VPS13D: variants seen among roughly 807,000 people sequenced by gnomAD.
VPS13D encodes intermembrane lipid transfer protein VPS13D.
In VPS13D, 187 loss-of-function variants were observed where a neutral mutation model predicts 461.9. The observed-to-expected ratio is 0.40, with a 90% CI of 0.36 to 0.46. VPS13D has a LOEUF of 0.46. Ranked by LOEUF, VPS13D falls within the 20% of genes least tolerant of loss-of-function variation. VPS13D has a pLI of 0.60. For missense variants in VPS13D, 4,711 were observed against 5,364.9 expected, an observed-to-expected ratio of 0.88 and a Z score of 3.81; for synonymous variants, 1,951 against 1,986.3, an observed-to-expected ratio of 0.98 and a Z score of 0.47.
chr1:12,362,655 T>C (rs1324742084), intron 50 of VPS13D, 65 bp from the exon 51 acceptor site: 9 of 1,500,802 alleles, frequency 6.0e-6, no homozygotes, highest in Admixed American at 3.9e-5. Context: ...GTTATTTATT[T>C]TTGTCAGACC....
chr1:12,284,808 G>T (rs750154525), intron 21 of VPS13D, among the ~76,000 whole-genome samples: 2 of 152,220 alleles, frequency 1.3e-5, no homozygotes, highest in Non-Finnish European at 2.9e-5. Flanking sequence ...ACATCTCAGG[G>T]TAGAGATGGG....
chr1:12,267,971 T>C, intron 15 of VPS13D, 51 bp downstream of exon 15: 1 of 1,512,568 alleles, frequency 6.6e-7, no homozygotes, highest in Non-Finnish European at 9.0e-7. Context: ...TTTAAATTAA[T>C]TTTTCTTTGA....
chr1:12,314,962 C>T (rs1346383424), intron 30 of VPS13D, among the ~76,000 whole-genome samples: 1 of 152,218 alleles, frequency 6.6e-6, no homozygotes, highest in African/African-American at 2.4e-5. Context: ...TACCTATACC[C>T]ACCTCATGGG....
chr1:12,255,701 G>A (rs1410708707), intron 7 of VPS13D, among the ~76,000 whole-genome samples: 1 of 151,864 alleles, frequency 6.6e-6, no homozygotes, highest in Admixed American at 6.6e-5. Flanking sequence ...GACCATCCTG[G>A]CCAACATGGT....
At position 12,396,557 on chromosome 1, in the gene VPS13D, C is replaced by T. The variant is rs540926736; in HGVS notation, c.11635-3624C>T. Among the ~76,000 whole-genome samples the T allele has an allele frequency of 9.7e-4, 147 of 151,576 alleles. 1 individual carries two copies. The highest frequency in any genetic ancestry group is 3.1e-3 in the African/African-American group (129 of 41,442). ...GAAACTAGTTCCTGGTAGACATTTC[C>T]AGAAGAAGAATCCAAAGCCCCAGAC... is the stretch of plus-strand genomic sequence containing the variant. On this transcript the variant is annotated intron_variant, in intron 60 of 69. Coordinates refer to ENST00000620676, the MANE Select transcript of VPS13D (RefSeq NM_015378.4).
intron 54 of VPS13D, among the ~76,000 whole-genome samples, chr1:12,372,744 T>A (rs1467751060): frequency 6.6e-6 from 1 of 152,066 alleles, no homozygotes; most frequent in Non-Finnish European, 1.5e-5. Context: ...GAACAAAGAT[T>A]ACTTGTGCTT....
Position 12,268,790 on chromosome 1 carries a change from G to A in VPS13D, c.1886G>A (p.Ser629Asn). ...CACTTTGAGAGGCGGCTCAATGTCA[G>A]CACAAGGCCCTTGAACATCATATAC... Reference protein sequence around the residue: ...HSHFERRLNVSTRPLNIIYNP... With the variant: ...HSHFERRLNVNTRPLNIIYNP... The change falls in exon 16 of 70, where the codon AGC becomes AAC. Residue 629 changes from serine to asparagine, a missense_variant. Coordinates refer to ENST00000620676, the MANE Select transcript of VPS13D (RefSeq NM_015378.4). 6.2e-7 allele frequency: 1 copy of A among 1,614,074 alleles called. No individual in the cohort carries two copies. Among genetic ancestry groups the A allele is most frequent in the Non-Finnish European group, 8.5e-7 (1 of 1,179,990 alleles).
chr1:12,428,688 A>G (rs573117586), intron 65 of VPS13D, among the ~76,000 whole-genome samples: 3 of 152,256 alleles, frequency 2.0e-5, no homozygotes, highest in South Asian at 2.1e-4. Flanking sequence ...GTGAGTTCCC[A>G]TGGCCCCGTG....
chr1:12,430,693 C>G (rs1003581507), intron 65 of VPS13D, among the ~76,000 whole-genome samples: 1 of 152,230 alleles, frequency 6.6e-6, no homozygotes, highest in African/African-American at 2.4e-5. Flanking sequence ...GCCAGAGGAG[C>G]TTCTGATGCC....
intron 13 of VPS13D, among the ~76,000 whole-genome samples, chr1:12,263,005 AT>A (rs1641160740): frequency 6.6e-6 from 1 of 152,032 alleles, no homozygotes; most frequent in Non-Finnish European, 1.5e-5. Context: ...CGCTCAGCTG[AT>A]TTATGATATT....
Position 12,495,932 on chromosome 1 carries a change from G to A in VPS13D, c.12663-1568G>A, listed in dbSNP as rs1420695795. ...CCTTCCCCCAACCCCGCTGCCTGCAGAGGTTACCAGCATCCTCTCGGCAGC... is the reference window on the plus strand; with the variant it reads ...CCTTCCCCCAACCCCGCTGCCTGCAAAGGTTACCAGCATCCTCTCGGCAGC... On this transcript the variant is annotated intron_variant, in intron 67 of 69. Coordinates refer to ENST00000620676, the MANE Select transcript of VPS13D (RefSeq NM_015378.4). The surrounding 1 kb of genome is among the most constrained non-coding windows in gnomAD (Gnocchi z 4.0). 4.6e-5 allele frequency among the ~76,000 whole-genome samples: 7 copies of A among 152,220 alleles called. No homozygotes were observed. In the East Asian group the frequency reaches 1.3e-3, roughly 29 times the overall value.
intron 67 of VPS13D, among the ~76,000 whole-genome samples, chr1:12,467,030 G>A (rs998676522): frequency 6.6e-6 from 1 of 152,194 alleles, no homozygotes; most frequent in African/African-American, 2.4e-5. Context: ...TCCTTCCAGA[G>A]AATGCTTGAA....
intron 63 of VPS13D, among the ~76,000 whole-genome samples, chr1:12,405,742 A>G (rs1644644755): frequency 6.6e-6 from 1 of 152,230 alleles, no homozygotes; most frequent in South Asian, 2.1e-4. Context: ...GACCTTTGGA[A>G]TGGGTTTGTT....
intron 13 of VPS13D, among the ~76,000 whole-genome samples, chr1:12,265,068 G>A (rs1054852106): frequency 2.0e-5 from 3 of 152,062 alleles, no homozygotes; most frequent in Non-Finnish European, 1.5e-5. Context: ...CAGTACATCT[G>A]TTTACAGCAT....
In VPS13D at chr1:12,507,627, A is replaced by G. The variant is rs1351743742; in HGVS notation, c.13035+534A>G. 6.6e-6 allele frequency among the ~76,000 whole-genome samples: 1 copy of G among 152,236 alleles called. No homozygotes were observed. Among genetic ancestry groups the G allele is most frequent in the Admixed American group, 6.5e-5 (1 of 15,282 alleles). On this transcript the variant is annotated intron_variant, in intron 69 of 69. Coordinates refer to ENST00000620676, the MANE Select transcript of VPS13D (RefSeq NM_015378.4). The surrounding 1 kb of genome is among the most constrained non-coding windows in gnomAD (Gnocchi z 5.3). ...TTATGACAAGGCTTTTAAATAATAA[A>G]GCTCCTGCGAATAGCTAACGTTCCT... is the stretch of plus-strand genomic sequence containing the variant.
At chr1:12,319,442 C>T (rs2101523610) in intron 31 of VPS13D, 55 bp from the exon 32 acceptor site, 2 of 1,607,092 alleles carry the variant, frequency 1.2e-6, no homozygotes, top group Non-Finnish European at 1.7e-6. Flanking sequence ...TTGCAACAGC[C>T]TGGTGTTTTC....
rs751443557 is a variant in VPS13D, at chr1:12,258,031, T to C, written c.1038T>C (p.Ala346=). The C allele has an allele frequency of 3.7e-6, 6 of 1,614,214 alleles. No homozygotes were observed. The East Asian group carries it at 1.3e-4, about 36-fold the overall frequency. ...CCTGGGACTTTATGTTGCACCGCGC[T>C]CGTGATGCTGTATCTTACACTGACA... ...RCTWDFMLHR[A]RDAVSYTDKY... The change falls in exon 10 of 70, where the codon GCT becomes GCC. Residue 346 remains alanine (A), a synonymous_variant. Coordinates refer to ENST00000620676, the MANE Select transcript of VPS13D (RefSeq NM_015378.4).
chr1:12,497,449 T>G (rs367598027), intron 67 of VPS13D, 51 bp from the exon 68 acceptor site: 5 of 1,562,760 alleles, frequency 3.2e-6, no homozygotes, highest in Non-Finnish European at 4.3e-6. Context: ...AGGAAAATCA[T>G]TTTAACCTGC....
intron 55 of VPS13D, among the ~76,000 whole-genome samples, chr1:12,377,820 C>CAAAAAA (rs1193875764): frequency 1.3e-5 from 1 of 77,048 alleles, no homozygotes; most frequent in Non-Finnish European, 2.6e-5. Flanking sequence ...AACTCCATCC[C>CAAAAAA]AAAAAAAAAA....
Sources: allele counts gnomAD v4.1 joint callset (sites outside exome capture counted in the v4.1 genomes callset), GRCh38; gene constraint gnomAD v4.1.1; non-coding constraint Gnocchi (gnomAD v3.1); transcripts MANE v1.5; gene names NCBI Gene and HGNC (gene_info 2026-07-23, HGNC 2026-07-21).